The following XRCC6 variants were observed in gnomAD, a reference collection of about 807,000 sequenced individuals.
XRCC6 encodes DNA repair protein Ku70.
XRCC6 carries 5 observed loss-of-function variants against 65.7 expected under a neutral mutation model. The observed-to-expected ratio is 0.08, with a 90% confidence interval of 0.04 to 0.16. The LOEUF is 0.16. XRCC6 is among the 10% of genes least tolerant of loss of function. The probability of loss-of-function intolerance (pLI) is 1.00; values close to 1 mark genes in which losing one functional copy is unlikely to be tolerated. For synonymous variants in XRCC6, 270 were observed against 270.6 expected, an observed-to-expected ratio of 1.00 and a Z score of 0.02; for missense variants, 447 against 738.1, an observed-to-expected ratio of 0.61 and a Z score of 4.57.
rs1163911254 is a variant in XRCC6 at position 41,653,537 on chromosome 22, A to G, written c.1138A>G (p.Thr380Ala). ...PEESLVIGSS[T>A]LFSALLIKCL... is the part of the protein sequence containing the mutation. Reference sequence around the variant, plus strand: ...GGCTTTTTGTTTTCTAGGGAGCTCAACCCTGTTCAGTGCTCTGCTCATCAA... The same window carrying G: ...GGCTTTTTGTTTTCTAGGGAGCTCAGCCCTGTTCAGTGCTCTGCTCATCAA... Residue 380 changes from threonine (T) to alanine (A), a missense_variant, in exon 9 of 13, where the codon ACC becomes GCC. Thr to Ala is a moderately conservative substitution (Grantham distance 58). Around this residue, in one of 4 missense-constraint regions of XRCC6, gnomAD observed 201 missense variants for 374.1 expected, o/e 0.54. Coordinates refer to ENST00000360079, the MANE Select transcript of XRCC6 (RefSeq NM_001469.5). The G allele has an allele frequency of 3.7e-6, 6 of 1,606,090 alleles. No homozygotes were observed. The highest frequency in any genetic ancestry group is 2.7e-5 in the African/African-American group (2 of 74,802).
At chr22:41,631,709 C>G (rs1270561635) in intron 3 of XRCC6, among the ~76,000 whole-genome samples, 1 of 151,666 alleles carries the variant, frequency 6.6e-6, no homozygotes, top group African/African-American at 2.4e-5. Context: ...AGACACTCCT[C>G]ACTTCCCAGA....
intron 11 of XRCC6, 74 bp from the exon 12 acceptor site, chr22:41,661,257 G>T: frequency 7.6e-7 from 1 of 1,310,762 alleles, no homozygotes; most frequent in South Asian, 1.3e-5. Flanking sequence ...CTGGTTCTCA[G>T]AGAGTTCTGG....
chr22:41,637,342 C>T (rs1008356552), intron 5 of XRCC6, among the ~76,000 whole-genome samples: 4 of 152,134 alleles, frequency 2.6e-5, no homozygotes, highest in African/African-American at 7.2e-5. Context: ...CCTCGCCCTC[C>T]CAAAGTGCTG....
At chr22:41,654,324 A>T (rs1243957140) in intron 9 of XRCC6, among the ~76,000 whole-genome samples, 1 of 152,098 alleles carries the variant, frequency 6.6e-6, no homozygotes, top group Non-Finnish European at 1.5e-5. Context: ...TTTAACTTTG[A>T]TCCTCAGCAT....
chr22:41,652,114 A>G (rs2068005408), intron 8 of XRCC6, among the ~76,000 whole-genome samples: 1 of 152,070 alleles, frequency 6.6e-6, no homozygotes, highest in Non-Finnish European at 1.5e-5. Flanking sequence ...ACAATTTCCC[A>G]TGTAATTCTT....
Position 41,643,546 on chromosome 22 carries a change from C to T in XRCC6, c.774-3350C>T, listed in dbSNP as rs374805274. ...AATAATTTTAAATTTTCTGGCCGGG[C>T]GCGCTGGCTCATGCCTGTAATCCCA... is the stretch of plus-strand genomic sequence containing the variant. On this transcript the variant is annotated intron_variant, in intron 6 of 12. Coordinates refer to ENST00000360079, the MANE Select transcript of XRCC6 (RefSeq NM_001469.5). Among the ~76,000 whole-genome samples, 196 of 150,962 alleles carry T rather than the reference C, an allele frequency of 1.3e-3. 1 individual carries two copies. Among genetic ancestry groups the T allele is most frequent in the African/African-American group, 4.3e-3 (175 of 41,086 alleles).
intron 6 of XRCC6, among the ~76,000 whole-genome samples, chr22:41,642,092 T>C (rs1601542245): frequency 1.3e-5 from 2 of 152,224 alleles, no homozygotes; most frequent in South Asian, 4.1e-4. Flanking sequence ...ACACTTTCTT[T>C]ATCCATTCTT....
chr22:41,652,660 C>G (rs1355357817), intron 8 of XRCC6, among the ~76,000 whole-genome samples: 1 of 150,570 alleles, frequency 6.6e-6, no homozygotes, highest in Non-Finnish European at 1.5e-5. Flanking sequence ...GCCACCTCAC[C>G]TGGCCAATAA....
intron 12 of XRCC6, among the ~76,000 whole-genome samples, chr22:41,662,494 A>G (rs577296166): frequency 1.2e-3 from 184 of 152,330 alleles, no homozygotes; most frequent in Admixed American, 2.2e-3. Context: ...TCAGCTATAT[A>G]TGTTGGACAG....
intron 12 of XRCC6, among the ~76,000 whole-genome samples, chr22:41,662,425 A>G (rs1454686399): frequency 1.3e-5 from 2 of 152,196 alleles, no homozygotes; most frequent in Non-Finnish European, 1.5e-5. Flanking sequence ...ACATACCAAC[A>G]TACATATTTC....
At chr22:41,654,750 C>T (rs770718710) in intron 9 of XRCC6, among the ~76,000 whole-genome samples, 10 of 152,192 alleles carry the variant, frequency 6.6e-5, no homozygotes, top group Non-Finnish European at 1.5e-4. Flanking sequence ...GGACTTAGCC[C>T]TCCAGGGAGG....
At chr22:41,644,782 C>T (rs1372508891) in intron 6 of XRCC6, among the ~76,000 whole-genome samples, 1 of 151,980 alleles carries the variant, frequency 6.6e-6, no homozygotes, top group Non-Finnish European at 1.5e-5. Flanking sequence ...AGCCACTGCA[C>T]CCGGCCTGCA....
intron 10 of XRCC6, among the ~76,000 whole-genome samples, chr22:41,657,573 C>A (rs1371169975): frequency 6.7e-6 from 1 of 149,474 alleles, no homozygotes; most frequent in African/African-American, 2.5e-5. Flanking sequence ...GGTTTGATTG[C>A]AGTGGTGTTA....
chr22:41,659,052 A>G (rs2068074776), intron 11 of XRCC6, among the ~76,000 whole-genome samples: 1 of 152,190 alleles, frequency 6.6e-6, no homozygotes, highest in South Asian at 2.1e-4. Context: ...CCTAGGTTCA[A>G]GCTATTCTCG....
At chr22:41,646,596 A>G (rs981462973) in intron 6 of XRCC6, among the ~76,000 whole-genome samples, 1 of 152,168 alleles carries the variant, frequency 6.6e-6, no homozygotes, top group Non-Finnish European at 1.5e-5. Context: ...ATAAAATGCA[A>G]ATATTCCAAA....
intron 2 of XRCC6, among the ~76,000 whole-genome samples, chr22:41,626,631 G>GTTTGT (rs2067677095): frequency 2.7e-5 from 3 of 111,512 alleles, no homozygotes; most frequent in Admixed American, 8.9e-5. Context: ...ATGTTTGTTT[G>GTTTGT]TTTTTTTTTT....
chr22:41,621,573 C>T, intron 1 of XRCC6: 1 of 166,964 alleles, frequency 6.0e-6, no homozygotes, highest in Admixed American at 6.1e-5. Context: ...CCTGCGCTTG[C>T]GGCCCGCCTG....
chr22:41,644,185 C>A (rs1051964378), intron 6 of XRCC6, among the ~76,000 whole-genome samples: 7 of 151,872 alleles, frequency 4.6e-5, no homozygotes, highest in African/African-American at 1.7e-4. Flanking sequence ...GTGATTTCTT[C>A]TTGGGTTTTT....
intron 3 of XRCC6, among the ~76,000 whole-genome samples, chr22:41,631,861 A>G (rs374570008): frequency 2.0e-5 from 3 of 152,110 alleles, no homozygotes; most frequent in Non-Finnish European, 4.4e-5. Flanking sequence ...TGAACCAGAC[A>G]CCGTCTGCAA....
Sources: allele counts gnomAD v4.1 joint callset (sites outside exome capture counted in the v4.1 genomes callset), GRCh38; gene constraint gnomAD v4.1.1; regional missense constraint gnomAD v4.1.1; transcripts MANE v1.5; gene names NCBI Gene and HGNC (gene_info 2026-07-23, HGNC 2026-07-21).